MAML2: variants seen among roughly 807,000 people sequenced by gnomAD.
The protein encoded by MAML2 is mastermind-like protein 2.
Under a neutral mutation model 96.1 loss-of-function variants are expected in MAML2, and 22 were observed. The ratio of observed to expected loss-of-function variants is 0.23; its 90% CI spans 0.16 to 0.33. MAML2 has a LOEUF of 0.33. MAML2 is among the 10% of genes least tolerant of loss of function. MAML2 has a pLI of 1.00. For missense variants in MAML2, 1,367 were observed against 1,392.4 expected (o/e 0.98, Z 0.29); for synonymous variants, 561 against 521.3 (o/e 1.08, Z -1.04).
chr11:96,133,556 A>T (rs935972838), intron 1 of MAML2, among the ~76,000 whole-genome samples: 38 of 152,354 alleles, frequency 2.5e-4, no homozygotes, highest in Middle Eastern at 3.4e-3. Flanking sequence ...CTTGGCAGAA[A>T]AACAGTTTAA....
At chr11:96,020,693 G>A (rs533206073) in intron 2 of MAML2, among the ~76,000 whole-genome samples, 45 of 152,284 alleles carry the variant, frequency 3.0e-4, no homozygotes, top group Non-Finnish European at 5.1e-4. Flanking sequence ...GGGAGTTATT[G>A]TATGTCTGCT....
rs944388733 is a variant in MAML2, at chr11:95,977,033, T to A, written c.*1915A>T. ...AAGGATTGAAACCTGGAATGCTTTC[T>A]TATTGAGGTTTCAGAATATAAATTT... On this transcript the variant is annotated 3_prime_UTR_variant, in exon 5 of 5. Transcript: ENST00000524717. 5.0e-6 allele frequency: 1 copy of A among 202,006 alleles called. No homozygotes were observed. The highest frequency in any genetic ancestry group is 2.3e-5 in the African/African-American group (1 of 43,598). The allele number at this position is 202,006 out of a possible 1,614,324, so 12.5% of individuals were successfully genotyped here.
intron 1 of MAML2, among the ~76,000 whole-genome samples, chr11:96,188,461 G>T (rs1339242422): frequency 6.6e-6 from 1 of 152,110 alleles, no homozygotes; most frequent in East Asian, 1.9e-4. Flanking sequence ...AAGAACTTCT[G>T]ATGAGAAAAC....
intron 1 of MAML2, among the ~76,000 whole-genome samples, chr11:96,212,717 C>T (rs575710230): frequency 1.3e-5 from 2 of 152,200 alleles, no homozygotes; most frequent in African/African-American, 4.8e-5. Flanking sequence ...AGGAACAAGA[C>T]GTTTAGATAA....
At chr11:96,160,509 C>A (rs1281662779) in intron 1 of MAML2, among the ~76,000 whole-genome samples, 1 of 151,466 alleles carries the variant, frequency 6.6e-6, no homozygotes, top group Non-Finnish European at 1.5e-5. Flanking sequence ...CTCCCTGTAA[C>A]CTCCCCTTCC....
At chr11:96,037,647 A>G (rs1164443468) in intron 2 of MAML2, among the ~76,000 whole-genome samples, 1 of 152,216 alleles carries the variant, frequency 6.6e-6, no homozygotes, top group East Asian at 1.9e-4. Context: ...GGACGTGCAA[A>G]GGGGAAGAAA....
intron 1 of MAML2, among the ~76,000 whole-genome samples, chr11:96,137,593 A>G (rs994633488): frequency 2.0e-5 from 3 of 152,216 alleles, no homozygotes; most frequent in Admixed American, 6.5e-5. Context: ...TTTCAGATGG[A>G]AAAAGAATAA....
At chr11:96,227,195 C>T (rs1208728678) in intron 1 of MAML2, among the ~76,000 whole-genome samples, 1 of 152,156 alleles carries the variant, frequency 6.6e-6, no homozygotes, top group African/African-American at 2.4e-5. Flanking sequence ...CTCCTTGACT[C>T]CCTAAAATTA....
chr11:96,104,113 T>C (rs1189195769), intron 1 of MAML2, among the ~76,000 whole-genome samples: 1 of 152,188 alleles, frequency 6.6e-6, no homozygotes, highest in African/African-American at 2.4e-5. Context: ...TTGTTTCCTT[T>C]ACAGTACCTA....
chr11:96,319,006 A>C (rs989940801), intron 1 of MAML2, among the ~76,000 whole-genome samples: 9 of 152,208 alleles, frequency 5.9e-5, no homozygotes, highest in African/African-American at 2.2e-4. Context: ...CTATGTGACC[A>C]GTAGAATACG....
intron 2 of MAML2, among the ~76,000 whole-genome samples, chr11:96,023,228 C>G (rs544796852): frequency 6.6e-6 from 1 of 152,166 alleles, no homozygotes; most frequent in African/African-American, 2.4e-5. Context: ...ACACTGCGTC[C>G]CTTCCTGATT....
chr11:96,142,061 C>G (rs1030334546), intron 1 of MAML2, among the ~76,000 whole-genome samples: 2 of 152,196 alleles, frequency 1.3e-5, no homozygotes, highest in African/African-American at 4.8e-5. Flanking sequence ...GATATGATCC[C>G]TAATGTCATG....
intron 4 of MAML2, among the ~76,000 whole-genome samples, chr11:95,984,058 A>G (rs1857786360): frequency 6.6e-6 from 1 of 152,134 alleles, no homozygotes; most frequent in African/African-American, 2.4e-5. Flanking sequence ...AGGGCCCTAT[A>G]CAAATGTACC....
chr11:96,209,357 G>T lies in MAML2; in HGVS notation c.514-115840C>A, dbSNP rs117293323. ...CTCTAGGGATCAAATATCAAGAAAGGCTGGGTGCAGTGGCTCACGCCTGTA... is the reference window on the plus strand; with the variant it reads ...CTCTAGGGATCAAATATCAAGAAAGTCTGGGTGCAGTGGCTCACGCCTGTA... On this transcript the variant is annotated intron_variant, in intron 1 of 4. Coordinates refer to ENST00000524717, the MANE Select transcript of MAML2 (RefSeq NM_032427.4). Among the ~76,000 whole-genome samples, 25 of 152,174 alleles carry T rather than the reference G, an allele frequency of 1.6e-4. No individual in the cohort carries two copies. In the East Asian group the frequency reaches 4.8e-3, roughly 29 times the overall value.
intron 2 of MAML2, among the ~76,000 whole-genome samples, chr11:96,080,935 G>A (rs1859520533): frequency 1.3e-5 from 2 of 152,184 alleles, no homozygotes; most frequent in Admixed American, 1.3e-4. Flanking sequence ...GCATGGGTTT[G>A]CCAGAGACTC....
At chr11:96,095,874 C>T (rs1033510359) in intron 1 of MAML2, among the ~76,000 whole-genome samples, 1 of 152,098 alleles carries the variant, frequency 6.6e-6, no homozygotes, top group Non-Finnish European at 1.5e-5. Context: ...TGAAGCTTCC[C>T]CTCTCCCCAC....
At chr11:96,224,114 T>C (rs915780519) in intron 1 of MAML2, among the ~76,000 whole-genome samples, 2 of 152,198 alleles carry the variant, frequency 1.3e-5, no homozygotes, top group Admixed American at 1.3e-4. Flanking sequence ...AGCCTCAGTT[T>C]CTTTATCAGT....
intron 2 of MAML2, among the ~76,000 whole-genome samples, chr11:96,068,479 G>C (rs796529931): frequency 0.039 from 2,062 of 52,734 alleles, 54 homozygotes; most frequent in African/African-American, 0.093. Flanking sequence ...CACACACACA[G>C]AGGGAGGGAG....
chr11:96,097,055 A>G (rs1314857032), intron 1 of MAML2, among the ~76,000 whole-genome samples: 2 of 152,156 alleles, frequency 1.3e-5, no homozygotes, highest in African/African-American at 4.8e-5. Flanking sequence ...GCACCAAGCT[A>G]CTGGCACCAG....
Sources: gnomAD v4.1 joint callset for allele counts (sites outside exome capture counted in the v4.1 genomes callset) on GRCh38, gnomAD v4.1.1 for gene constraint, MANE v1.5 for transcripts, NCBI Gene and HGNC (gene_info 2026-07-23, HGNC 2026-07-21) for gene names.